Variants in FSTL5 observed in about 807,000 individuals in gnomAD.
FSTL5 encodes follistatin like 5, also known as follistatin-related protein 5.
FSTL5 carries 62 observed loss-of-function variants against 89.1 expected under a neutral mutation model. The ratio of observed to expected loss-of-function variants is 0.70; its 90% confidence interval spans 0.57 to 0.86. The LOEUF is 0.86. FSTL5 is among the 40% of genes least tolerant of loss of function. FSTL5 has a pLI of 0.00. For synonymous variants in FSTL5, 383 were observed against 346.2 expected, an observed-to-expected ratio of 1.11 and a Z score of -1.18; for missense variants, 1,057 against 1,001.6, an observed-to-expected ratio of 1.06 and a Z score of -0.75.
intron 4 of FSTL5, among the ~76,000 whole-genome samples, chr4:161,778,887 A>T (rs2126806939): frequency 6.6e-6 from 1 of 152,300 alleles, no homozygotes; most frequent in East Asian, 1.9e-4. Flanking sequence ...TGTGTGATGA[A>T]AAAAATTCTG....
intron 15 of FSTL5, among the ~76,000 whole-genome samples, chr4:161,404,766 G>T: frequency 6.6e-6 from 1 of 150,930 alleles, no homozygotes; most frequent in Middle Eastern, 3.5e-3. Flanking sequence ...TATTTCTAGT[G>T]TTTCTACATT....
chr4:161,807,574 T>C (rs1415935094), intron 4 of FSTL5, among the ~76,000 whole-genome samples: 1 of 152,140 alleles, frequency 6.6e-6, no homozygotes, highest in Non-Finnish European at 1.5e-5. Flanking sequence ...TGGTGGGTCA[T>C]AGGTCTCTGC....
At chr4:162,128,983 G>A (rs1732189567) in intron 1 of FSTL5, among the ~76,000 whole-genome samples, 1 of 149,218 alleles carries the variant, frequency 6.7e-6, no homozygotes. Flanking sequence ...GCGCAGTGGC[G>A]CCATCTGGGC....
At position 161,584,464 on chromosome 4, in the gene FSTL5, T is replaced by A. The variant is rs547133156; in HGVS notation, c.1015+2991A>T. 5.3e-5 allele frequency among the ~76,000 whole-genome samples: 8 copies of A among 152,334 alleles called. No homozygotes were observed. The East Asian group carries it at 1.4e-3, about 26-fold the overall frequency. On this transcript the variant is annotated intron_variant, in intron 8 of 15. Transcript: ENST00000306100. ...GGTCTTATAAATTATCTGCTTTTAATCTTTACTGGATTATTCCCATCAGCA... is the reference window on the plus strand; with the variant it reads ...GGTCTTATAAATTATCTGCTTTTAAACTTTACTGGATTATTCCCATCAGCA...
intron 7 of FSTL5, among the ~76,000 whole-genome samples, chr4:161,652,368 A>G (rs1189131502): frequency 6.6e-6 from 1 of 152,016 alleles, no homozygotes; most frequent in Non-Finnish European, 1.5e-5. Flanking sequence ...CCAGGAGTTC[A>G]AGGCTACAGT....
At chr4:162,036,107 C>A (rs185976543) in intron 2 of FSTL5, among the ~76,000 whole-genome samples, 1 of 152,180 alleles carries the variant, frequency 6.6e-6, no homozygotes, top group Admixed American at 6.6e-5. Flanking sequence ...ATTCTTTTAG[C>A]AATCTCGTCT....
intron 2 of FSTL5, among the ~76,000 whole-genome samples, chr4:162,072,630 A>G (rs1003884838): frequency 2.0e-5 from 3 of 151,840 alleles, no homozygotes; most frequent in African/African-American, 7.2e-5. Context: ...CTAATACAAT[A>G]GCAAACACTT....
At chr4:161,482,043 G>A (rs998893323) in intron 12 of FSTL5, among the ~76,000 whole-genome samples, 12 of 152,238 alleles carry the variant, frequency 7.9e-5, no homozygotes, top group Admixed American at 2.0e-4. Context: ...TGTGCAGGCC[G>A]GGCGTGGTGG....
intron 4 of FSTL5, among the ~76,000 whole-genome samples, chr4:161,820,163 C>A (rs1242537324): frequency 2.0e-5 from 3 of 151,934 alleles, no homozygotes; most frequent in Non-Finnish European, 4.4e-5. Context: ...CAAGAAATAG[C>A]AATTGATAGA....
chr4:162,086,446 G>A (rs759681357), intron 2 of FSTL5, among the ~76,000 whole-genome samples: 7 of 151,136 alleles, frequency 4.6e-5, no homozygotes, highest in African/African-American at 1.2e-4. Flanking sequence ...CCATGGCAAC[G>A]TTAACAATTT....
At chr4:161,823,124 A>G (rs1946655) in intron 4 of FSTL5, among the ~76,000 whole-genome samples, 145,859 of 152,186 alleles carry the variant, frequency 0.96, 70,124 homozygotes, top group Non-Finnish European at 1. Flanking sequence ...ATTGGCAGGT[A>G]TGAAAAAAAG....
At chr4:161,789,736 T>C (rs1179911782) in intron 4 of FSTL5, among the ~76,000 whole-genome samples, 1 of 152,174 alleles carries the variant, frequency 6.6e-6, no homozygotes, top group Non-Finnish European at 1.5e-5. Context: ...AATACATCAT[T>C]CTTTTGTTTA....
At chr4:161,389,461 G>T (rs1301390225) in intron 15 of FSTL5, among the ~76,000 whole-genome samples, 1 of 152,040 alleles carries the variant, frequency 6.6e-6, no homozygotes, top group African/African-American at 2.4e-5. Context: ...TCTAATCAAA[G>T]TAGTTTATTA....
intron 8 of FSTL5, among the ~76,000 whole-genome samples, chr4:161,565,387 A>C (rs1428436805): frequency 6.6e-6 from 1 of 151,970 alleles, no homozygotes; most frequent in African/African-American, 2.4e-5. Context: ...TGTAATCTCA[A>C]TAAATATATT....
chr4:162,007,577 T>C (rs1269953095), intron 3 of FSTL5, among the ~76,000 whole-genome samples: 2 of 151,850 alleles, frequency 1.3e-5, no homozygotes, highest in Admixed American at 6.6e-5. Flanking sequence ...TCTTTCATTA[T>C]GTTAACTTTG....
intron 1 of FSTL5, among the ~76,000 whole-genome samples, chr4:162,154,303 C>A (rs1051068075): frequency 6.6e-6 from 1 of 152,030 alleles, no homozygotes. Context: ...CAATAATTTA[C>A]TAATCTTTAG....
At chr4:161,565,531 G>T (rs75358395) in intron 8 of FSTL5, among the ~76,000 whole-genome samples, 8,350 of 151,558 alleles carry the variant, frequency 0.055, 364 homozygotes, top group Non-Finnish European at 0.08. Context: ...AATTTAAGCA[G>T]GCCAGAAATG....
chr4:161,987,809 C>T (rs1043581574), intron 3 of FSTL5, among the ~76,000 whole-genome samples: 1 of 151,570 alleles, frequency 6.6e-6, no homozygotes, highest in Non-Finnish European at 1.5e-5. Flanking sequence ...TCTGAGCACA[C>T]CTTCAACTAA....
intron 8 of FSTL5, among the ~76,000 whole-genome samples, chr4:161,565,782 C>CACAT (rs1180752677): frequency 6.9e-5 from 10 of 145,144 alleles, no homozygotes; most frequent in African/African-American, 2.1e-4. Context: ...CACACACACA[C>CACAT]ATATATATGA....
Sources: gnomAD v4.1 joint callset for allele counts (sites outside exome capture counted in the v4.1 genomes callset) on GRCh38, gnomAD v4.1.1 for gene constraint, MANE v1.5 for transcripts, NCBI Gene and HGNC (gene_info 2026-07-23, HGNC 2026-07-21) for gene names.